LEPR: variants seen among roughly 807,000 people sequenced by gnomAD.
LEPR encodes the protein OB receptor.
A neutral mutation model predicts 114.7 loss-of-function variants in LEPR; 56 were observed. That is an observed-to-expected ratio of 0.49 (90% CI 0.39 to 0.61). The LOEUF is 0.61. Among genes scored for constraint, LEPR ranks in the 20% least tolerant of loss-of-function variants. The pLI, the probability that LEPR is intolerant of heterozygous loss-of-function variation, is 0.00. For synonymous variants in LEPR, 443 were observed against 461.4 expected (o/e 0.96, Z 0.51); for missense variants, 1,202 against 1,352.9 (o/e 0.89, Z 1.75).
At chr1:65,470,659 C>G (rs1393608890) in intron 2 of LEPR, among the ~76,000 whole-genome samples, 1 of 152,176 alleles carries the variant, frequency 6.6e-6, no homozygotes, top group Non-Finnish European at 1.5e-5. Flanking sequence ...TTGCTTATGA[C>G]TTTACCATTA....
chr1:65,456,732 C>T lies in LEPR; in HGVS notation c.-21+31354C>T, dbSNP rs374220437. On this transcript the variant is annotated intron_variant, in intron 2 of 19. Coordinates refer to ENST00000349533, the MANE Select transcript of LEPR (RefSeq NM_002303.6). ...GCTGGTTAATTGTAGACAACATATA[C>T]TTGGGTCTGGTTTCTTCATCCACTC... 8.0e-4 allele frequency among the ~76,000 whole-genome samples: 122 copies of T among 152,266 alleles called. 3 individuals carry two copies. The South Asian group carries it at 0.025, about 31-fold the overall frequency.
At chr1:65,616,571 A>G (rs1440814879) in intron 15 of LEPR, among the ~76,000 whole-genome samples, 4 of 152,014 alleles carry the variant, frequency 2.6e-5, no homozygotes, top group African/African-American at 9.7e-5. Flanking sequence ...ATATTCATAC[A>G]TACACACATA....
chr1:65,522,768 G>C (rs1306909522), intron 2 of LEPR, among the ~76,000 whole-genome samples: 1 of 151,472 alleles, frequency 6.6e-6, no homozygotes, highest in Non-Finnish European at 1.5e-5. Context: ...GCATAGTATT[G>C]ATTTTTTTTC....
At chr1:65,488,314 C>CT (rs1419530505) in intron 2 of LEPR, among the ~76,000 whole-genome samples, 1 of 139,086 alleles carries the variant, frequency 7.2e-6, no homozygotes, top group Non-Finnish European at 1.5e-5. Context: ...TTCTCTTTCT[C>CT]TTTTTTTCTT....
At chr1:65,506,517 A>G (rs1435185002) in intron 2 of LEPR, among the ~76,000 whole-genome samples, 2 of 152,248 alleles carry the variant, frequency 1.3e-5, no homozygotes, top group Non-Finnish European at 2.9e-5. Context: ...GCAGTGTGAC[A>G]GTGACTTAGA....
intron 2 of LEPR, among the ~76,000 whole-genome samples, chr1:65,479,818 A>G (rs921963890): frequency 4.6e-5 from 7 of 152,222 alleles, no homozygotes; most frequent in Admixed American, 6.5e-5. Context: ...TAAGAAGGCA[A>G]TTCCCAGGAA....
At chr1:65,456,633 T>G (rs1188881788) in intron 2 of LEPR, among the ~76,000 whole-genome samples, 1 of 152,182 alleles carries the variant, frequency 6.6e-6, no homozygotes, top group Non-Finnish European at 1.5e-5. Context: ...GAGGTACTCT[T>G]GTTTTCTTTT....
intron 2 of LEPR, among the ~76,000 whole-genome samples, chr1:65,521,928 C>T (rs1473862769): frequency 6.6e-6 from 1 of 152,016 alleles, no homozygotes; most frequent in Non-Finnish European, 1.5e-5. Flanking sequence ...TGTGAAACCC[C>T]GTCTCTACTA....
intron 2 of LEPR, chr1:65,431,887 AGAG>A (rs759307387): frequency 6.2e-7 from 1 of 1,614,040 alleles, no homozygotes; most frequent in Non-Finnish European, 8.5e-7. Context: ...TATATTTGGA[AGAG>A]GAGATGATTT....
At chr1:65,489,379 A>G (rs1647746516) in intron 2 of LEPR, among the ~76,000 whole-genome samples, 1 of 152,032 alleles carries the variant, frequency 6.6e-6, no homozygotes, top group African/African-American at 2.4e-5. Flanking sequence ...GTTGTTGAGT[A>G]TTTTTTTATA....
rs1657775749 is a variant in LEPR, at chr1:65,619,959, C to T, written c.2427C>T (p.Phe809=). The change falls in exon 17 of 20, where the codon TTC becomes TTT. Residue 809 remains phenylalanine, a synonymous_variant. Transcript: ENST00000349533. ...TTATCCCCATTGAGAAGTACCAGTT[C>T]AGTCTTTACCCAATATTTATGGAAG... The part of the protein sequence containing the change: ...DHFIPIEKYQ[F]SLYPIFMEGV... The T allele has an allele frequency of 6.2e-7, 1 of 1,612,096 alleles. No homozygotes were observed. The highest frequency in any genetic ancestry group is 1.7e-5 in the Admixed American group (1 of 59,950).
intron 2 of LEPR, among the ~76,000 whole-genome samples, chr1:65,502,418 G>C (rs1648500026): frequency 6.7e-6 from 1 of 148,698 alleles, no homozygotes; most frequent in Admixed American, 6.8e-5. Flanking sequence ...TGATGTTTAA[G>C]CCACCCAGAC....
intron 19 of LEPR, among the ~76,000 whole-genome samples, chr1:65,625,360 A>C (rs1658135366): frequency 6.6e-6 from 1 of 152,208 alleles, no homozygotes; most frequent in Admixed American, 6.5e-5. Flanking sequence ...ATATGATTGA[A>C]TACTTACCCT....
At chr1:65,572,054 G>A (rs1219486278) in intron 4 of LEPR, among the ~76,000 whole-genome samples, 1 of 150,648 alleles carries the variant, frequency 6.6e-6, no homozygotes, top group Non-Finnish European at 1.5e-5. Context: ...CTATTTAAGT[G>A]GTTTGAAATT....
chr1:65,551,558 C>A (rs1457472689), intron 2 of LEPR, among the ~76,000 whole-genome samples: 2 of 151,958 alleles, frequency 1.3e-5, no homozygotes, highest in Non-Finnish European at 2.9e-5. Flanking sequence ...TGGTGATATA[C>A]CCTTTATCAT....
rs767501894 is a variant in LEPR at position 65,601,480 on chromosome 1, T to C, written c.1083T>C (p.Val361=). The C allele has an allele frequency of 3.1e-6, 5 of 1,613,732 alleles. No homozygotes were observed. Among genetic ancestry groups the C allele is most frequent in the Non-Finnish European group, 4.2e-6 (5 of 1,179,716 alleles). The change falls in exon 9 of 20, where the codon GTT becomes GTC. Residue 361 remains valine (V), a synonymous_variant. Transcript: ENST00000349533. ...HCIYKKENKI[V]PSKEIVWWMN... is the part of the protein sequence containing the mutation. ...TCTATAAGAAGGAAAACAAGATTGT[T>C]CCCTCAAAAGAGATTGTTTGGTGGA...
intron 2 of LEPR, among the ~76,000 whole-genome samples, chr1:65,502,983 G>T (rs1648534928): frequency 1.3e-5 from 2 of 151,420 alleles, no homozygotes; most frequent in African/African-American, 4.9e-5. Context: ...ATGGGGGAGG[G>T]TATGGATGAG....
chr1:65,641,174 A>T lies in LEPR; in HGVS notation c.*4159A>T, dbSNP rs1479657436. On this transcript the variant is annotated 3_prime_UTR_variant, in exon 20 of 20. Transcript: ENST00000349533. ...GAAAATGTCTTTTTCAAAATTAATT[A>T]TGCTTAAGATGTATGGCATTAAATT... 1.3e-5 allele frequency: 2 copies of T among 152,234 alleles called. No individual in the cohort carries two copies. The highest frequency in any genetic ancestry group is 2.9e-5 in the Non-Finnish European group (2 of 68,034). The allele number at this position is 152,234 out of a possible 1,614,324, so 9.4% of individuals were successfully genotyped here. A position where few individuals can be genotyped will look rare whatever the true frequency, so the allele number is the denominator to read the frequency against.
At position 65,615,951 on chromosome 1, in the gene LEPR, A is replaced by G. The variant is rs529114271; in HGVS notation, c.1996-57A>G. The G allele has an allele frequency of 5.0e-5, 80 of 1,603,802 alleles. 2 individuals are homozygous for G. The South Asian group carries it at 6.6e-4, about 13-fold the overall frequency. On this transcript the variant is annotated intron_variant, in intron 14 of 19. Transcript: ENST00000349533. Reference sequence around the variant, plus strand: ...TGTAGAATGAGAGTTATGTGAGCTCAGTTAGTATAAAAAGCACTGCAGCCC... The same window carrying G: ...TGTAGAATGAGAGTTATGTGAGCTCGGTTAGTATAAAAAGCACTGCAGCCC...
Sources: gnomAD v4.1 joint callset for allele counts (sites outside exome capture counted in the v4.1 genomes callset) on GRCh38, gnomAD v4.1.1 for gene constraint, MANE v1.5 for transcripts, NCBI Gene and HGNC (gene_info 2026-07-23, HGNC 2026-07-21) for gene names.